The following NCAPD2 variants were observed in gnomAD, a reference collection of about 807,000 sequenced individuals.
NCAPD2 encodes non-SMC condensin I complex subunit D2.
In NCAPD2, 100 loss-of-function variants were observed where a neutral mutation model predicts 164.5. The ratio of observed to expected loss-of-function variants is 0.61; its 90% CI spans 0.52 to 0.72. NCAPD2 has a LOEUF of 0.72. NCAPD2 is among the 30% of genes least tolerant of loss of function. The pLI, the probability that NCAPD2 is intolerant of heterozygous loss-of-function variation, is 0.00. For missense variants in NCAPD2, 1,560 were observed against 1,749.2 expected, an observed-to-expected ratio of 0.89 and a Z score of 1.93; for synonymous variants, 585 against 642.6, an observed-to-expected ratio of 0.91 and a Z score of 1.36.
At chr12:6,512,572 G>C (rs1369700939) in intron 6 of NCAPD2, among the ~76,000 whole-genome samples, 1 of 152,236 alleles carries the variant, frequency 6.6e-6, no homozygotes, top group Non-Finnish European at 1.5e-5. Flanking sequence ...GCAGTGGGGA[G>C]CCAGACCGCA....
Position 6,524,394 on chromosome 12 carries a change from A to G in NCAPD2, c.2214+1048A>G, listed in dbSNP as rs147959523. 3.7e-4 allele frequency among the ~76,000 whole-genome samples: 56 copies of G among 152,284 alleles called. 1 individual carries two copies. The East Asian group carries it at 7.5e-3, about 20-fold the overall frequency. On this transcript the variant is annotated intron_variant, in intron 17 of 31. Transcript: ENST00000315579. Reference sequence around the variant, plus strand: ...GATGGCTCACGTCTGTAATCCCAGCACTTTGGGAGGCCAAGGCAGCAGATT... The same window carrying G: ...GATGGCTCACGTCTGTAATCCCAGCGCTTTGGGAGGCCAAGGCAGCAGATT...
At position 6,526,141 on chromosome 12, in the gene NCAPD2, G is replaced by A. The variant is rs1320004931; in HGVS notation, c.2422G>A (p.Asp808Asn). 5 of 1,614,094 alleles carry A rather than the reference G, an allele frequency of 3.1e-6. No homozygotes were observed. The highest frequency in any genetic ancestry group is 4.2e-6 in the Non-Finnish European group (5 of 1,180,030). ...AGGGCTGGATGAGAAGTTTCCACAG[G>A]ACTACAGGCTGGCCCAGCAGGTGTG... ...SIGLDEKFPQDYRLAQQVCHA... is the reference protein window; with the variant it reads ...SIGLDEKFPQNYRLAQQVCHA... The change falls in exon 19 of 32, where the codon GAC becomes AAC. Residue 808 changes from aspartate to asparagine, a missense_variant. Coordinates refer to ENST00000315579, the MANE Select transcript of NCAPD2 (RefSeq NM_014865.4).
chr12:6,512,318 GACAA>G (rs144626106), intron 6 of NCAPD2, among the ~76,000 whole-genome samples: 3,337 of 145,208 alleles, frequency 0.023, 45 homozygotes, highest in African/African-American at 0.042. Flanking sequence ...TAGACAGACA[GACAA>G]ACAGACAGAC....
intron 4 of NCAPD2, 178 bp from the exon 5 acceptor site, chr12:6,510,429 TAACTGGAGTGAGAGAGTAGGAA>T: frequency 7.5e-6 from 6 of 794,968 alleles, no homozygotes; most frequent in Non-Finnish European, 1.3e-5. Context: ...GAAATTGTGG[TAACTGGAGTGAGAGAGTAGGAA>T]CAGGGCATGT....
chr12:6,523,399 T>G (rs907676284), intron 17 of NCAPD2, 53 bp downstream of exon 17: 35 of 800,456 alleles, frequency 4.4e-5, no homozygotes, highest in Middle Eastern at 6.7e-4. Context: ...ATTTTGGTTG[T>G]TTTTTTTTTT....
rs1372601269 is a variant in NCAPD2 at position 6,529,975 on chromosome 12, A to G, written c.3837+17A>G. The G allele has an allele frequency of 1.9e-6, 3 of 1,605,270 alleles. No individual in the cohort carries two copies. Among genetic ancestry groups the G allele is most frequent in the East Asian group, 2.2e-5 (1 of 44,664 alleles). On this transcript the variant is annotated intron_variant, in intron 29 of 31. Transcript: ENST00000315579. ...GAGGGCAAGGTGAGCAGCACAGGAC[A>G]CTTCAATGCCTGTTGGGTTCTGGGC...
In NCAPD2 at chr12:6,526,530, A is replaced by G. The variant is rs61751202; in HGVS notation, c.2649A>G (p.Glu883=). ...TLIYQLAEGP[E]VICAQILQGC... ...TTTACCAACTGGCAGAGGGCCCCGA[A>G]GTGATCTGTGCCCAGATATTGCAGG... The change falls in exon 21 of 32, where the codon GAA becomes GAG. Residue 883 remains glutamate, a synonymous_variant. Transcript: ENST00000315579. 25 of 1,614,142 alleles carry G rather than the reference A, an allele frequency of 1.5e-5. No individual in the cohort carries two copies. The highest frequency in any genetic ancestry group is 2.1e-5 in the Non-Finnish European group (25 of 1,180,012).
At position 6,526,643 on chromosome 12, in the gene NCAPD2, G is replaced by A. The variant is rs538249306; in HGVS notation, c.2734+28G>A. ...AAGTGGGCAGGGGTTGACCCACTGCGGCAGCCAGCTTCTGTTCTCCCTGCA... is the reference window on the plus strand; with the variant it reads ...AAGTGGGCAGGGGTTGACCCACTGCAGCAGCCAGCTTCTGTTCTCCCTGCA... On this transcript the variant is annotated intron_variant, in intron 21 of 31. Coordinates refer to ENST00000315579, the MANE Select transcript of NCAPD2 (RefSeq NM_014865.4). 1.6e-5 allele frequency: 25 copies of A among 1,602,374 alleles called. No homozygotes were observed. The East Asian group carries it at 2.2e-4, about 14-fold the overall frequency.
chr12:6,525,989 T>G, intron 18 of NCAPD2, 79 bp from the exon 19 acceptor site: 1 of 1,549,238 alleles, frequency 6.5e-7, no homozygotes, highest in Non-Finnish European at 8.8e-7. Flanking sequence ...GAGGTGCTGG[T>G]ACCTACCCCT....
intron 17 of NCAPD2, among the ~76,000 whole-genome samples, chr12:6,524,300 A>C (rs985922329): frequency 5.3e-5 from 8 of 152,266 alleles, no homozygotes; most frequent in African/African-American, 1.9e-4. Flanking sequence ...CCCAAGAAAG[A>C]GCACAGTTCA....
chr12:6,511,225 A>C lies in NCAPD2; in HGVS notation c.560A>C (p.His187Pro). ...TTGGACATCCGTCACCTGTGGAACC[A>C]CTCAATAATTGAAGAAGAATTTGTC... ...LQLDIRHLWNHSIIEEEFVSL... is the reference protein window; with the variant it reads ...LQLDIRHLWNPSIIEEEFVSL... The change falls in exon 6 of 32, where the codon CAC becomes CCC. Residue 187 changes from histidine to proline, a missense_variant. Transcript: ENST00000315579. The C allele has an allele frequency of 3.1e-6, 5 of 1,614,194 alleles. No individual in the cohort carries two copies. Among genetic ancestry groups the C allele is most frequent in the Non-Finnish European group, 4.2e-6 (5 of 1,180,028 alleles).
In NCAPD2 at chr12:6,511,178, G is replaced by C. The variant is rs1262373982; in HGVS notation, c.513G>C (p.Gln171His). 3.7e-6 allele frequency: 6 copies of C among 1,614,214 alleles called. No homozygotes were observed. In the East Asian group the frequency reaches 1.3e-4, roughly 36 times the overall value. Residue 171 changes from glutamine (Q) to histidine (H), a missense_variant, in exon 6 of 32, where the codon CAG becomes CAC. By Grantham distance (24) the Gln-to-His change is conservative. Transcript: ENST00000315579. ...AAGAAGAGAGGCAACCAATTCTTCA[G>C]CTTTTAACACAGCTACTTCAGTTGG... is the stretch of plus-strand genomic sequence containing the variant. The part of the protein sequence containing the change: ...DWEEERQPIL[Q>H]LLTQLLQLDI...
At chr12:6,494,344 ATGT>A (rs1565536886) in intron 1 of NCAPD2, among the ~76,000 whole-genome samples, 190 bp downstream of exon 1, 4 of 32,486 alleles carry the variant, frequency 1.2e-4, no homozygotes, top group Non-Finnish European at 2.4e-4. Flanking sequence ...GCAACGGAAG[ATGT>A]TAAGCAAATC....
At chr12:6,523,402 T>TTTTTC in intron 17 of NCAPD2, 56 bp downstream of exon 17, 1 of 1,397,018 alleles carries the variant, frequency 7.2e-7, no homozygotes, top group Non-Finnish European at 9.8e-7. Context: ...TTGGTTGTTT[T>TTTTTC]TTTTTTTTTT....
chr12:6,521,424 G>A (rs1336995047), intron 14 of NCAPD2, among the ~76,000 whole-genome samples: 2 of 152,230 alleles, frequency 1.3e-5, no homozygotes, highest in Admixed American at 6.5e-5. Flanking sequence ...GCTTATGCCT[G>A]TAATCCTAAC....
chr12:6,511,110 G>A lies in NCAPD2; in HGVS notation c.445G>A (p.Gly149Ser). ...NLVDLDLGGK[G>S]KKARTKAAHG... ...TCAATGTATACATGATCCTTTTTAGGGTAAGAAAGCTCGGACCAAGGCAGC... is the reference window on the plus strand; with the variant it reads ...TCAATGTATACATGATCCTTTTTAGAGTAAGAAAGCTCGGACCAAGGCAGC... Residue 149 changes from glycine to serine, a missense_variant and splice_region_variant, in exon 6 of 32, where the codon GGT becomes AGT. By Grantham distance (56) the Gly-to-Ser change is moderately conservative (BLOSUM62 0). Transcript: ENST00000315579. 1.2e-6 allele frequency: 2 copies of A among 1,613,276 alleles called. No homozygotes were observed. Among genetic ancestry groups the A allele is most frequent in the South Asian group, 2.2e-5 (2 of 90,932 alleles).
At chr12:6,507,057 G>A (rs4764603) in intron 2 of NCAPD2, among the ~76,000 whole-genome samples, 120,597 of 152,236 alleles carry the variant, frequency 0.79, 48,535 homozygotes, top group African/African-American at 0.95. Flanking sequence ...CCATTATTCC[G>A]TAATAGCCAG....
intron 6 of NCAPD2, among the ~76,000 whole-genome samples, chr12:6,513,715 C>CATTTTTTTTTTTTTTTTT (rs1946171719): frequency 1.3e-5 from 1 of 74,894 alleles, no homozygotes; most frequent in Non-Finnish European, 2.5e-5. Flanking sequence ...GTGACTTTGT[C>CATTTTTTTTTTTTTTTTT]TTTTTTTTTT....
intron 2 of NCAPD2, among the ~76,000 whole-genome samples, chr12:6,495,862 CTGACCTT>C (rs1041010530): frequency 6.6e-6 from 1 of 152,094 alleles, no homozygotes; most frequent in African/African-American, 2.4e-5. Flanking sequence ...TTCTACCACT[CTGACCTT>C]AGACAAGTTA....
Sources: allele counts gnomAD v4.1 joint callset (sites outside exome capture counted in the v4.1 genomes callset), GRCh38; gene constraint gnomAD v4.1.1; transcripts MANE v1.5; gene names NCBI Gene and HGNC (gene_info 2026-07-23, HGNC 2026-07-21).